ACACA: variants seen among roughly 807,000 people sequenced by gnomAD.
ACACA encodes acetyl-CoA carboxylase 1.
A neutral mutation model predicts 296.1 loss-of-function variants in ACACA; 103 were observed. The ratio of observed to expected loss-of-function variants is 0.35; its 90% CI spans 0.30 to 0.41. The LOEUF is 0.41. ACACA is among the 10% of genes least tolerant of loss of function. ACACA has a pLI of 1.00. For synonymous variants in ACACA, 953 were observed against 1,038.6 expected (o/e 0.92, Z 1.58); for missense variants, 1,554 against 2,989.7 (o/e 0.52, Z 11.20).
intron 7 of ACACA, 65 bp from the exon 8 acceptor site, chr17:37,276,114 T>C (rs2082275288): frequency 1.7e-6 from 2 of 1,163,660 alleles, no homozygotes; most frequent in Non-Finnish European, 1.3e-6. Context: ...GCACATGTAG[T>C]TGCCTTGTAT....
intron 30 of ACACA, 80 bp from the exon 31 acceptor site, chr17:37,207,880 C>T: frequency 4.5e-6 from 7 of 1,546,674 alleles, no homozygotes; most frequent in Non-Finnish European, 6.2e-6. Flanking sequence ...GGAAAAGGAA[C>T]TAGGAGAAAA....
chr17:37,397,834 G>A (rs773731011), intron 1 of ACACA, among the ~76,000 whole-genome samples: 1 of 152,090 alleles, frequency 6.6e-6, no homozygotes, highest in East Asian at 1.9e-4. Flanking sequence ...ACCTTGGACC[G>A]TAATTGAGGA....
At chr17:37,305,904 G>GTTTT (rs200591761) in intron 3 of ACACA, among the ~76,000 whole-genome samples, 55 of 95,808 alleles carry the variant, frequency 5.7e-4, no homozygotes, top group Non-Finnish European at 1.0e-3. Flanking sequence ...TTTTTTTTTT[G>GTTTT]TTTTTTTTTT....
intron 33 of ACACA, among the ~76,000 whole-genome samples, chr17:37,201,268 G>A (rs2078234485): frequency 1.3e-5 from 2 of 152,006 alleles, no homozygotes; most frequent in Non-Finnish European, 2.9e-5. Context: ...GCAAAACCCT[G>A]TCTCTACTAA....
chr17:37,354,857 G>T (rs2049061404), intron 1 of ACACA, among the ~76,000 whole-genome samples: 1 of 152,178 alleles, frequency 6.6e-6, no homozygotes, highest in Admixed American at 6.6e-5. Flanking sequence ...TTGAGCCCAG[G>T]TTGAGGCTGC....
intron 3 of ACACA, among the ~76,000 whole-genome samples, chr17:37,290,692 C>T (rs2083006936): frequency 6.6e-6 from 1 of 152,150 alleles, no homozygotes; most frequent in South Asian, 2.1e-4. Context: ...CACTGTATAT[C>T]CATGTAAATA....
intron 42 of ACACA, among the ~76,000 whole-genome samples, chr17:37,160,719 T>C (rs1036587244): frequency 1.3e-5 from 2 of 152,040 alleles, no homozygotes; most frequent in African/African-American, 4.8e-5. Context: ...AGAGAGAAAG[T>C]TGAAGGTGCA....
chr17:37,339,864 G>A lies in ACACA; in HGVS notation c.39-14C>T. The A allele has an allele frequency of 8.0e-7, 1 of 1,255,376 alleles. No individual in the cohort carries two copies. Among genetic ancestry groups the A allele is most frequent in the Non-Finnish European group, 1.1e-6 (1 of 874,708 alleles). 77.8% of individuals were successfully genotyped at this position (1,255,376 alleles called of 1,614,324 possible). A position where few individuals can be genotyped will look rare whatever the true frequency, so the allele number is the denominator to read the frequency against. ...TTCCAAAAAGACCTAGAGAGAAAGA[G>A]AAAGATTTTAAGGTTTTTTTTTTTA... On this transcript the variant is annotated splice_polypyrimidine_tract_variant and intron_variant, in intron 1 of 55. Coordinates refer to ENST00000616317, the MANE Select transcript of ACACA (RefSeq NM_198834.3).
At chr17:37,242,981 G>C (rs2080497096) in intron 22 of ACACA, among the ~76,000 whole-genome samples, 1 of 151,330 alleles carries the variant, frequency 6.6e-6, no homozygotes, top group Non-Finnish European at 1.5e-5. Flanking sequence ...GTTGCAGTGA[G>C]CCGAGATCAG....
chr17:37,218,147 C>CACAA (rs1567831969), intron 29 of ACACA, among the ~76,000 whole-genome samples: 1 of 116,602 alleles, frequency 8.6e-6, no homozygotes, highest in African/African-American at 3.5e-5. Context: ...CTACCAGTAA[C>CACAA]AAAAAAAAAA....
intron 1 of ACACA, chr17:37,388,905 T>C (rs2147788787): frequency 7.2e-7 from 1 of 1,379,502 alleles, no homozygotes. Flanking sequence ...TTTGAGGAGA[T>C]GTGCCACTCA....
chr17:37,153,849 C>T (rs919674085), intron 43 of ACACA, among the ~76,000 whole-genome samples: 1 of 151,866 alleles, frequency 6.6e-6, no homozygotes, highest in Non-Finnish European at 1.5e-5. Flanking sequence ...AACTACAAAA[C>T]GTAAAAACAA....
chr17:37,223,734 A>C, intron 27 of ACACA, 133 bp from the exon 28 acceptor site: 1 of 699,372 alleles, frequency 1.4e-6, no homozygotes, highest in Non-Finnish European at 2.6e-6. Context: ...TCTGTGCCTC[A>C]GCTTCCTGAG....
chr17:37,141,083 A>G, intron 45 of ACACA: 1 of 439,874 alleles, frequency 2.3e-6, no homozygotes, highest in Non-Finnish European at 4.4e-6. Flanking sequence ...TGGCCATTGT[A>G]GTCCCTGATG....
chr17:37,402,058 T>C (rs949250516), intron 1 of ACACA, among the ~76,000 whole-genome samples: 3 of 152,230 alleles, frequency 2.0e-5, no homozygotes, highest in Non-Finnish European at 2.9e-5. Flanking sequence ...TATTAGTTTA[T>C]CCTGAAGGTC....
chr17:37,212,289 G>C (rs76789968), intron 29 of ACACA, among the ~76,000 whole-genome samples: 1 of 152,126 alleles, frequency 6.6e-6, no homozygotes, highest in Non-Finnish European at 1.5e-5. Context: ...TGACGGCCAT[G>C]TTTTCAGTAG....
At chr17:37,331,853 C>T (rs186434901) in intron 2 of ACACA, among the ~76,000 whole-genome samples, 4 of 151,588 alleles carry the variant, frequency 2.6e-5, no homozygotes, top group Non-Finnish European at 4.4e-5. Context: ...ATGAATTTTA[C>T]GTATGTGTAT....
intron 3 of ACACA, among the ~76,000 whole-genome samples, chr17:37,326,676 C>A (rs1211617300): frequency 6.0e-5 from 9 of 151,230 alleles, no homozygotes; most frequent in Non-Finnish European, 1.0e-4. Context: ...ACTAAAAATA[C>A]AAAACAGCCG....
At chr17:37,243,748 A>G (rs1251579929) in intron 21 of ACACA, among the ~76,000 whole-genome samples, 189 bp from the exon 22 acceptor site, 1 of 152,180 alleles carries the variant, frequency 6.6e-6, no homozygotes, top group Non-Finnish European at 1.5e-5. Context: ...TATCTCATCA[A>G]TACTGTAATT....
Sources: gnomAD v4.1 joint callset for allele counts (sites outside exome capture counted in the v4.1 genomes callset) on GRCh38, gnomAD v4.1.1 for gene constraint, MANE v1.5 for transcripts, NCBI Gene and HGNC (gene_info 2026-07-23, HGNC 2026-07-21) for gene names.